The following ME3 variants were observed in gnomAD, a reference collection of about 807,000 sequenced individuals.
ME3 encodes the protein malic enzyme 3.
A neutral mutation model predicts 68.9 loss-of-function variants in ME3; 48 were observed. That is an observed-to-expected ratio of 0.70 (90% CI 0.55 to 0.89). The LOEUF is 0.89. ME3 is among the 40% of genes least tolerant of loss of function. The pLI, the probability that ME3 is intolerant of heterozygous loss-of-function variation, is 0.00. For synonymous variants in ME3, 320 were observed against 318.8 expected (o/e 1.00, Z -0.04); for missense variants, 675 against 797.4 (o/e 0.85, Z 1.85).
chr11:86,669,502 G>A (rs566967776), intron 2 of ME3, among the ~76,000 whole-genome samples: 9 of 152,290 alleles, frequency 5.9e-5, no homozygotes, highest in East Asian at 1.9e-4. Flanking sequence ...CTCCTCAGAG[G>A]GTGGCAGGAG....
At chr11:86,544,563 G>T (rs1295849480) in intron 4 of ME3, among the ~76,000 whole-genome samples, 2 of 152,152 alleles carry the variant, frequency 1.3e-5, no homozygotes, top group Non-Finnish European at 2.9e-5. Flanking sequence ...AGAAGAAATT[G>T]ATAAATTCTT....
rs1340973941 is a variant in ME3 at position 86,524,666 on chromosome 11, A to G, written c.468-15799T>C. ...CCAGATAAACATTTCTGGAGCTATC[A>G]TTGCATATTAGTTATGAAAGCTGGA... On this transcript the variant is annotated intron_variant, in intron 4 of 14. Coordinates refer to ENST00000543262, the Ensembl canonical transcript of ME3. Among the ~76,000 whole-genome samples, 3 of 152,352 alleles carry G rather than the reference A, an allele frequency of 2.0e-5. No homozygotes were observed. In the South Asian group the frequency reaches 6.2e-4, roughly 32 times the overall value.
chr11:86,571,971 G>A (rs1290447159), intron 2 of ME3, among the ~76,000 whole-genome samples: 1 of 152,222 alleles, frequency 6.6e-6, no homozygotes, highest in Admixed American at 6.5e-5. Context: ...GGAAACTTCA[G>A]AAGAGGCAGC....
At chr11:86,580,667 A>G (rs1831254663) in intron 2 of ME3, among the ~76,000 whole-genome samples, 1 of 152,228 alleles carries the variant, frequency 6.6e-6, no homozygotes, top group African/African-American at 2.4e-5. Context: ...CCTACGAAAT[A>G]GAAAACCTAC....
chr11:86,538,777 T>C (rs1455498212), intron 4 of ME3, among the ~76,000 whole-genome samples: 1 of 152,106 alleles, frequency 6.6e-6, no homozygotes, highest in East Asian at 1.9e-4. Context: ...CACTGGAAAG[T>C]GCATCATGAT....
Position 86,601,126 on chromosome 11 carries a change from G to C in ME3, c.184-41303C>G, listed in dbSNP as rs1210975553. Among the ~76,000 whole-genome samples the C allele has an allele frequency of 2.6e-5, 4 of 151,472 alleles. No individual in the cohort carries two copies. The East Asian group carries it at 7.8e-4, about 29-fold the overall frequency. On this transcript the variant is annotated intron_variant, in intron 2 of 14. Transcript: ENST00000543262. ...TCAGAGCAGAACTGAAGGAAATAGA[G>C]ACACAAAAAACCCTTCAAAAAATTA...
At chr11:86,556,748 G>T (rs202188967) in intron 3 of ME3, 46 bp from the exon 4 acceptor site, 1 of 1,591,646 alleles carries the variant, frequency 6.3e-7, no homozygotes, top group Non-Finnish European at 8.6e-7. Context: ...GTAGCAGCAG[G>T]CCCTGATGCC....
intron 13 of ME3, among the ~76,000 whole-genome samples, chr11:86,443,824 A>G (rs1237914196): frequency 6.6e-6 from 1 of 152,150 alleles, no homozygotes; most frequent in African/African-American, 2.4e-5. Context: ...GTGCTCTACT[A>G]TATCTTTCAA....
exon 2 of ME3, chr11:86,671,791 C>A: frequency 1.2e-6 from 2 of 1,603,664 alleles, no homozygotes; most frequent in Non-Finnish European, 1.7e-6. Flanking sequence ...CTGGTGACAT[C>A]GTATCCGCGC....
intron 4 of ME3, among the ~76,000 whole-genome samples, chr11:86,526,453 C>A (rs924135171): frequency 2.0e-5 from 3 of 152,196 alleles, no homozygotes; most frequent in Non-Finnish European, 4.4e-5. Flanking sequence ...CAGGGCAATG[C>A]CAAACAAAAG....
At chr11:86,596,688 T>C (rs548064164) in intron 2 of ME3, among the ~76,000 whole-genome samples, 146 of 152,294 alleles carry the variant, frequency 9.6e-4, no homozygotes, top group African/African-American at 3.4e-3. Flanking sequence ...TTTCACATTA[T>C]AGATAAAGAA....
chr11:86,511,098 G>T (rs1023041384), intron 4 of ME3, among the ~76,000 whole-genome samples: 1 of 152,116 alleles, frequency 6.6e-6, no homozygotes, highest in Non-Finnish European at 1.5e-5. Context: ...TCTTTCATCA[G>T]TAACACTACC....
rs138928421 is a variant in ME3 at position 86,446,905 on chromosome 11, C to T, written c.1380+160G>A. The T allele has an allele frequency of 7.9e-4, 792 of 1,002,872 alleles. 7 individuals carry two copies. The African/African-American group carries it at 0.012, about 15-fold the overall frequency. 62.1% of individuals were successfully genotyped at this position (1,002,872 alleles called of 1,614,324 possible). On this transcript the variant is annotated intron_variant, in intron 12 of 14. Coordinates refer to ENST00000543262, the Ensembl canonical transcript of ME3. ...CAGACCTGGGTTTGACAGCCAGCTCCACTCCTTATTAGCTCTTTGACCTTG... is the reference window on the plus strand; with the variant it reads ...CAGACCTGGGTTTGACAGCCAGCTCTACTCCTTATTAGCTCTTTGACCTTG...
intron 2 of ME3, among the ~76,000 whole-genome samples, chr11:86,616,515 A>G (rs1942967964): frequency 6.6e-6 from 1 of 152,232 alleles, no homozygotes. Context: ...CTTTGGTAGA[A>G]TGACAAATAG....
At chr11:86,620,329 C>T (rs1943265993) in intron 2 of ME3, among the ~76,000 whole-genome samples, 1 of 152,138 alleles carries the variant, frequency 6.6e-6, no homozygotes, top group African/African-American at 2.4e-5. Flanking sequence ...ATGAAATGGT[C>T]TCAGACATGT....
intron 2 of ME3, among the ~76,000 whole-genome samples, chr11:86,669,052 G>A (rs1946750568): frequency 6.6e-6 from 1 of 152,220 alleles, no homozygotes; most frequent in Non-Finnish European, 1.5e-5. Flanking sequence ...CCACCTGGCT[G>A]ATGCAAAGTA....
At chr11:86,620,775 T>C (rs566842415) in intron 2 of ME3, among the ~76,000 whole-genome samples, 2 of 152,330 alleles carry the variant, frequency 1.3e-5, no homozygotes, top group South Asian at 4.1e-4. Flanking sequence ...TTGTGTGCCT[T>C]AATATCATAC....
intron 2 of ME3, among the ~76,000 whole-genome samples, chr11:86,587,212 G>A (rs1958791396): frequency 6.6e-6 from 1 of 152,200 alleles, no homozygotes; most frequent in South Asian, 2.1e-4. Flanking sequence ...AGGCCCAGGA[G>A]GCATTTGGCT....
intron 4 of ME3, among the ~76,000 whole-genome samples, chr11:86,513,588 GTTC>G (rs1254280302): frequency 6.6e-6 from 1 of 152,204 alleles, no homozygotes; most frequent in Non-Finnish European, 1.5e-5. Context: ...CAAGGATCTA[GTTC>G]TTGACAGACA....
Sources: gnomAD v4.1 joint callset for allele counts (sites outside exome capture counted in the v4.1 genomes callset) on GRCh38, gnomAD v4.1.1 for gene constraint, MANE v1.5 for transcripts, NCBI Gene and HGNC (gene_info 2026-07-23, HGNC 2026-07-21) for gene names.